The following BRINP3 variants were observed in gnomAD, a reference collection of about 807,000 sequenced individuals.
BRINP3 encodes BMP/retinoic acid-inducible neural-specific protein 3.
Under a neutral mutation model 71.0 loss-of-function variants are expected in BRINP3, and 19 were observed. The ratio of observed to expected loss-of-function variants is 0.27; its 90% CI spans 0.19 to 0.39. The LOEUF (loss-of-function observed/expected upper bound fraction) is 0.39. Ranked by LOEUF, BRINP3 falls within the 10% of genes least tolerant of loss-of-function variation. The probability of loss-of-function intolerance (pLI) is 1.00; values close to 1 mark genes in which losing one functional copy is unlikely to be tolerated. For missense variants in BRINP3, 959 were observed against 940.8 expected (o/e 1.02, Z -0.25); for synonymous variants, 380 against 337.7 (o/e 1.13, Z -1.37).
intron 6 of BRINP3, among the ~76,000 whole-genome samples, chr1:190,180,642 A>G (rs534783942): frequency 6.6e-6 from 1 of 152,198 alleles, no homozygotes; most frequent in South Asian, 2.1e-4. Context: ...TGATAAATAA[A>G]TTGCTTAACA....
In BRINP3 at chr1:190,477,517, A is replaced by G. The variant is rs370369879; in HGVS notation, c.-120T>C. Reference sequence around the variant, plus strand: ...CCAGGATTCAAATAGATATTCCATGATCTTCCAAATCAAGGTAAAGTAGTG... The same window carrying G: ...CCAGGATTCAAATAGATATTCCATGGTCTTCCAAATCAAGGTAAAGTAGTG... On this transcript the variant is annotated 5_prime_UTR_variant, in exon 1 of 8. Coordinates refer to ENST00000367462, the MANE Select transcript of BRINP3 (RefSeq NM_199051.3). 1.3e-5 allele frequency: 2 copies of G among 152,362 alleles called. No individual in the cohort carries two copies. Among genetic ancestry groups the G allele is most frequent in the South Asian group, 2.1e-4 (1 of 4,824 alleles). 9.4% of individuals were successfully genotyped at this position (152,362 alleles called of 1,614,324 possible).
At chr1:190,135,123 G>A (rs1163598583) in intron 7 of BRINP3, among the ~76,000 whole-genome samples, 1 of 151,958 alleles carries the variant, frequency 6.6e-6, no homozygotes, top group African/African-American at 2.4e-5. Flanking sequence ...GAATTCTCCT[G>A]GTTGAATCTT....
chr1:190,350,822 G>GTTTT (rs35410824), intron 2 of BRINP3, among the ~76,000 whole-genome samples: 1 of 133,080 alleles, frequency 7.5e-6, no homozygotes, highest in Non-Finnish European at 1.6e-5. Context: ...AGTTCACCTT[G>GTTTT]TTTTTTTTTT....
chr1:190,438,048 CT>C (rs1332901015), intron 2 of BRINP3, among the ~76,000 whole-genome samples: 4 of 151,152 alleles, frequency 2.6e-5, no homozygotes, highest in Non-Finnish European at 5.9e-5. Context: ...AAAATCAAAA[CT>C]GTAAAATGAA....
At chr1:190,435,811 C>A (rs1674420255) in intron 2 of BRINP3, among the ~76,000 whole-genome samples, 1 of 151,878 alleles carries the variant, frequency 6.6e-6, no homozygotes, top group African/African-American at 2.4e-5. Flanking sequence ...TGTAGCATGA[C>A]AAGTTTATTG....
intron 2 of BRINP3, among the ~76,000 whole-genome samples, chr1:190,408,358 T>G (rs1160445318): frequency 6.6e-6 from 1 of 152,124 alleles, no homozygotes; most frequent in African/African-American, 2.4e-5. Context: ...TTTGTCATTT[T>G]ATAAATAAAA....
At chr1:190,447,160 AGG>A (rs1391263057) in intron 2 of BRINP3, among the ~76,000 whole-genome samples, 4 of 151,582 alleles carry the variant, frequency 2.6e-5, no homozygotes, top group African/African-American at 4.8e-5. Flanking sequence ...AGCTGTTTAT[AGG>A]AGTAAGTAAG....
At chr1:190,252,929 C>T (rs1163128358) in intron 4 of BRINP3, among the ~76,000 whole-genome samples, 1 of 152,002 alleles carries the variant, frequency 6.6e-6, no homozygotes, top group South Asian at 2.1e-4. Context: ...TATCCCTCCC[C>T]CTGTCCCACA....
chr1:190,291,105 T>C (rs1253512303), intron 2 of BRINP3, among the ~76,000 whole-genome samples: 1 of 152,116 alleles, frequency 6.6e-6, no homozygotes, highest in African/African-American at 2.4e-5. Context: ...ATTAATCTTT[T>C]ATTGTCCTGA....
chr1:190,447,563 C>A (rs547772370), intron 2 of BRINP3, among the ~76,000 whole-genome samples: 4 of 146,992 alleles, frequency 2.7e-5, no homozygotes, highest in Non-Finnish European at 6.0e-5. Context: ...TATAAATGTA[C>A]GTACACACAC....
chr1:190,159,891 G>GT (rs899370504), intron 7 of BRINP3, among the ~76,000 whole-genome samples: 17 of 151,474 alleles, frequency 1.1e-4, no homozygotes, highest in African/African-American at 2.4e-4. Context: ...AACCTTCAGG[G>GT]TTTTTTTTCC....
chr1:190,151,786 AG>A (rs1656414648), intron 7 of BRINP3, among the ~76,000 whole-genome samples: 3 of 152,166 alleles, frequency 2.0e-5, no homozygotes, highest in Admixed American at 2.0e-4. Flanking sequence ...AGCAAAGAAG[AG>A]TCTTCCAAAA....
chr1:190,336,026 T>C (rs867081437), intron 2 of BRINP3, among the ~76,000 whole-genome samples: 2 of 152,022 alleles, frequency 1.3e-5, no homozygotes, highest in South Asian at 2.1e-4. Flanking sequence ...TTTCCGTCTT[T>C]TGGAATACTA....
intron 2 of BRINP3, among the ~76,000 whole-genome samples, chr1:190,341,652 G>C (rs1667663145): frequency 6.6e-6 from 1 of 151,592 alleles, no homozygotes; most frequent in South Asian, 2.1e-4. Flanking sequence ...GGCTTTACAA[G>C]ATGACATTAT....
chr1:190,252,752 G>A (rs945321452), intron 4 of BRINP3, among the ~76,000 whole-genome samples: 3 of 151,882 alleles, frequency 2.0e-5, no homozygotes, highest in African/African-American at 7.3e-5. Context: ...ACATTATGTT[G>A]CATAGCACTT....
intron 2 of BRINP3, among the ~76,000 whole-genome samples, chr1:190,420,845 T>G (rs903949749): frequency 6.6e-6 from 1 of 151,880 alleles, no homozygotes; most frequent in Non-Finnish European, 1.5e-5. Context: ...AGGAGAATGT[T>G]AGAAAAAGAC....
At chr1:190,279,860 A>C (rs1662903701) in intron 3 of BRINP3, among the ~76,000 whole-genome samples, 1 of 151,850 alleles carries the variant, frequency 6.6e-6, no homozygotes, top group Middle Eastern at 3.2e-3. Flanking sequence ...TCCTCTGTTT[A>C]TATTATAAAT....
At chr1:190,366,689 C>A (rs1669526104) in intron 2 of BRINP3, among the ~76,000 whole-genome samples, 1 of 152,130 alleles carries the variant, frequency 6.6e-6, no homozygotes, top group East Asian at 1.9e-4. Context: ...TAGTTACTTC[C>A]TAGATACAAT....
At chr1:190,290,763 G>A (rs1178763127) in intron 2 of BRINP3, among the ~76,000 whole-genome samples, 2 of 151,982 alleles carry the variant, frequency 1.3e-5, no homozygotes, top group Non-Finnish European at 2.9e-5. Context: ...AATTCTCCGA[G>A]GCTGTATATC....
Sources: gnomAD v4.1 joint callset for allele counts (sites outside exome capture counted in the v4.1 genomes callset) on GRCh38, gnomAD v4.1.1 for gene constraint, MANE v1.5 for transcripts, NCBI Gene and HGNC (gene_info 2026-07-23, HGNC 2026-07-21) for gene names.